CEP85L: variants seen among roughly 807,000 people sequenced by gnomAD.
CEP85L encodes centrosomal protein 85L.
CEP85L carries 60 observed loss-of-function variants against 100.3 expected under a neutral mutation model. The ratio of observed to expected loss-of-function variants is 0.60; its 90% confidence interval spans 0.49 to 0.74. The LOEUF is 0.74. Ranked by LOEUF, CEP85L falls within the 30% of genes least tolerant of loss-of-function variation. CEP85L has a pLI of 0.00. For missense variants in CEP85L, 973 were observed against 936.2 expected (o/e 1.04, Z -0.51); for synonymous variants, 319 against 322.7 (o/e 0.99, Z 0.12).
At chr6:118,600,505 A>G in intron 2 of CEP85L, among the ~76,000 whole-genome samples, 1 of 151,792 alleles carries the variant, frequency 6.6e-6, no homozygotes, top group Non-Finnish European at 1.5e-5. Flanking sequence ...TATTTTCAGT[A>G]GAGACGGGGT....
upstream of CEP85L, among the ~76,000 whole-genome samples, chr6:118,654,257 G>A (rs1293276178): frequency 2.6e-5 from 4 of 151,908 alleles, no homozygotes; most frequent in African/African-American, 9.7e-5. Flanking sequence ...CTCAAGCCTG[G>A]GCAACAGAGC....
intron 1 of CEP85L, among the ~76,000 whole-genome samples, chr6:118,696,143 T>C (rs1777202691): frequency 6.6e-6 from 1 of 152,070 alleles, no homozygotes; most frequent in African/African-American, 2.4e-5. Context: ...TGGTGGCACA[T>C]GCCTGTAATT....
chr6:118,620,254 T>G (rs1207852008), intron 2 of CEP85L, among the ~76,000 whole-genome samples: 2 of 152,170 alleles, frequency 1.3e-5, no homozygotes, highest in African/African-American at 4.8e-5. Flanking sequence ...AAGTCTGCCT[T>G]AGGCCCAGAA....
intron 3 of CEP85L, among the ~76,000 whole-genome samples, chr6:118,544,036 C>T (rs1433355960): frequency 6.6e-6 from 1 of 152,116 alleles, no homozygotes; most frequent in Non-Finnish European, 1.5e-5. Context: ...TATGAGCCTC[C>T]AATTTCAATT....
chr6:118,497,734 T>C (rs1234269642), intron 5 of CEP85L, among the ~76,000 whole-genome samples: 1 of 151,986 alleles, frequency 6.6e-6, no homozygotes. Flanking sequence ...TTGCAAGAAA[T>C]GTTAAAAGCC....
intron 5 of CEP85L, among the ~76,000 whole-genome samples, chr6:118,496,516 G>T (rs756407090): frequency 6.6e-6 from 1 of 151,980 alleles, no homozygotes; most frequent in Non-Finnish European, 1.5e-5. Flanking sequence ...CACCAAGCCC[G>T]GCTAATTTTT....
At chr6:118,479,826 T>C (rs772512081) in intron 10 of CEP85L, 45 bp downstream of exon 10, 1 of 947,996 alleles carries the variant, frequency 1.1e-6, no homozygotes, top group Non-Finnish European at 1.6e-6. Context: ...ATTAAGAGTA[T>C]ATCAGAATAT....
intron 2 of CEP85L, among the ~76,000 whole-genome samples, chr6:118,593,607 G>A (rs1485212620): frequency 6.6e-6 from 1 of 151,688 alleles, no homozygotes; most frequent in African/African-American, 2.4e-5. Context: ...CTCCCACCAG[G>A]CCCTACCAAC....
intron 1 of CEP85L, among the ~76,000 whole-genome samples, chr6:118,639,827 C>T (rs764337485): frequency 1.3e-5 from 2 of 152,054 alleles, no homozygotes; most frequent in Non-Finnish European, 2.9e-5. Context: ...ATTTTGGAAG[C>T]CTTACAATTA....
intron 2 of CEP85L, among the ~76,000 whole-genome samples, chr6:118,575,828 T>TA (rs965365513): frequency 3.4e-4 from 49 of 144,202 alleles, no homozygotes; most frequent in South Asian, 9.0e-4. Flanking sequence ...GAGTAAACCC[T>TA]AAAAAAAAAA....
intron 6 of CEP85L, among the ~76,000 whole-genome samples, chr6:118,486,361 A>AT (rs1032392478): frequency 6.6e-6 from 1 of 152,178 alleles, no homozygotes; most frequent in African/African-American, 2.4e-5. Flanking sequence ...CGCAATACTG[A>AT]TATCATTCCT....
intron 1 of CEP85L, chr6:118,646,909 T>C: frequency 1.0e-6 from 1 of 984,156 alleles, no homozygotes; most frequent in South Asian, 4.7e-5. Flanking sequence ...CAACTCACCA[T>C]TTATTGCTTG....
At chr6:118,516,767 A>C (rs1772717149) in intron 4 of CEP85L, among the ~76,000 whole-genome samples, 1 of 152,078 alleles carries the variant, frequency 6.6e-6, no homozygotes, top group South Asian at 2.1e-4. Flanking sequence ...CCCACTTGTC[A>C]ATTTTGGCTT....
At chr6:118,588,449 G>C (rs979569123) in intron 2 of CEP85L, among the ~76,000 whole-genome samples, 1 of 152,224 alleles carries the variant, frequency 6.6e-6, no homozygotes, top group Non-Finnish European at 1.5e-5. Context: ...CCTTACAGCT[G>C]AAGTGGGAGG....
intron 3 of CEP85L, chr6:118,560,777 A>G (rs866813543): frequency 1.3e-4 from 20 of 158,502 alleles, no homozygotes; most frequent in South Asian, 1.0e-3. Context: ...ATAACTCATA[A>G]AACAACTGAA....
chr6:118,658,731 G>A (rs963794214), intron 1 of CEP85L, among the ~76,000 whole-genome samples: 1 of 152,020 alleles, frequency 6.6e-6, no homozygotes, highest in Non-Finnish European at 1.5e-5. Flanking sequence ...TATTTAATAA[G>A]TGTTATAAGT....
chr6:118,594,494 A>C (rs1781359099), intron 2 of CEP85L, among the ~76,000 whole-genome samples: 1 of 152,168 alleles, frequency 6.6e-6, no homozygotes, highest in East Asian at 1.9e-4. Context: ...CAAAAGAAAA[A>C]ACTTAACACT....
chr6:118,547,104 A>G (rs1778251448), intron 3 of CEP85L, among the ~76,000 whole-genome samples: 1 of 152,120 alleles, frequency 6.6e-6, no homozygotes, highest in African/African-American at 2.4e-5. Context: ...CTCTGTCATA[A>G]GCATTTAAAA....
At chr6:118,511,514 T>G (rs1469442553) in intron 4 of CEP85L, 99 bp from the exon 5 acceptor site, 1 of 698,058 alleles carries the variant, frequency 1.4e-6, no homozygotes, top group South Asian at 1.9e-5. Context: ...TTAATATTCC[T>G]CTTAGATTCT....
Sources: gnomAD v4.1 joint callset for allele counts (sites outside exome capture counted in the v4.1 genomes callset) on GRCh38, gnomAD v4.1.1 for gene constraint, MANE v1.5 for transcripts, NCBI Gene and HGNC (gene_info 2026-07-23, HGNC 2026-07-21) for gene names.